Variants in AGO3 observed in about 807,000 individuals in gnomAD.
AGO3 encodes the protein argonaute RISC catalytic component 3, also known as protein argonaute-3.
A neutral mutation model predicts 105.5 loss-of-function variants in AGO3; 16 were observed. That is an observed-to-expected ratio of 0.15 (90% CI 0.10 to 0.23). AGO3 has a LOEUF of 0.23. Among genes scored for constraint, AGO3 ranks in the 10% least tolerant of loss-of-function variants. AGO3 has a pLI of 1.00. For synonymous variants in AGO3, 340 were observed against 367.3 expected, an observed-to-expected ratio of 0.93 and a Z score of 0.85; for missense variants, 534 against 1,088.0, an observed-to-expected ratio of 0.49 and a Z score of 7.16.
chr1:35,943,217 A>G (rs1290668375), intron 1 of AGO3, among the ~76,000 whole-genome samples: 1 of 151,626 alleles, frequency 6.6e-6, no homozygotes, highest in Non-Finnish European at 1.5e-5. Context: ...CATGTTGGCC[A>G]GGCTATTCTC....
intron 1 of AGO3, among the ~76,000 whole-genome samples, chr1:35,937,279 T>C (rs950226660): frequency 6.6e-6 from 1 of 150,748 alleles, no homozygotes; most frequent in Non-Finnish European, 1.5e-5. Context: ...GGCGGGTGCC[T>C]GTAATACCCG....
chr1:36,040,478 A>G (rs1642197849), intron 16 of AGO3, 37 bp downstream of exon 16: 2 of 1,609,244 alleles, frequency 1.2e-6, no homozygotes, highest in Admixed American at 1.7e-5. Context: ...TTATAAACCA[A>G]GCTTATCCAA....
intron 5 of AGO3, among the ~76,000 whole-genome samples, chr1:35,994,843 A>G (rs1160696390): frequency 6.6e-6 from 1 of 152,184 alleles, no homozygotes; most frequent in Admixed American, 6.5e-5. Flanking sequence ...ACTAAGAAAG[A>G]CAAGGAAGGT....
intron 5 of AGO3, among the ~76,000 whole-genome samples, chr1:35,979,059 G>A (rs1002051715): frequency 6.6e-6 from 1 of 152,000 alleles, no homozygotes; most frequent in Non-Finnish European, 1.5e-5. Flanking sequence ...TAGTTTCATT[G>A]TGTTGTTAAA....
chr1:35,958,315 A>AGGTTGC (rs1389942457), intron 2 of AGO3, among the ~76,000 whole-genome samples: 1 of 151,740 alleles, frequency 6.6e-6, no homozygotes, highest in Admixed American at 6.6e-5. Context: ...CAGGAGGTGG[A>AGGTTGC]GGTTGCAGTG....
Position 36,055,300 on chromosome 1 carries a change from T to C in AGO3, c.2474+155T>C. 1 of 724,698 alleles carries C rather than the reference T, an allele frequency of 1.4e-6. No individual in the cohort carries two copies. 44.9% of individuals were successfully genotyped at this position (724,698 alleles called of 1,614,324 possible). ...AGGTTTCCTATTGAAATATATTGTC[T>C]AGGCTCATTAGTAATAGAATCATGT... is the stretch of plus-strand genomic sequence containing the variant. On this transcript the variant is annotated intron_variant, in intron 18 of 18. Coordinates refer to ENST00000373191, the MANE Select transcript of AGO3 (RefSeq NM_024852.4). The surrounding 1 kb of genome is among the most constrained non-coding windows in gnomAD (Gnocchi z 4.4).
intron 5 of AGO3, among the ~76,000 whole-genome samples, chr1:35,986,579 C>G (rs1647191459): frequency 6.6e-6 from 1 of 151,962 alleles, no homozygotes; most frequent in Admixed American, 6.6e-5. Context: ...ATCCCAGCTA[C>G]TTGGGGGTTG....
At chr1:35,951,407 A>C (rs1388794216) in intron 2 of AGO3, among the ~76,000 whole-genome samples, 2 of 151,680 alleles carry the variant, frequency 1.3e-5, no homozygotes, top group Non-Finnish European at 2.9e-5. Context: ...TATTTTATTT[A>C]TTTATTTTGA....
intron 11 of AGO3, among the ~76,000 whole-genome samples, chr1:36,021,811 G>A (rs1641239803): frequency 6.6e-6 from 1 of 151,970 alleles, no homozygotes; most frequent in South Asian, 2.1e-4. Flanking sequence ...ATAGAGAGGA[G>A]ACTCAATTTT....
intron 2 of AGO3, among the ~76,000 whole-genome samples, chr1:35,949,665 G>C (rs1463414936): frequency 6.6e-6 from 1 of 152,098 alleles, no homozygotes; most frequent in African/African-American, 2.4e-5. Flanking sequence ...TGTCTCCCAG[G>C]CTCTGGAATG....
At position 35,976,066 on chromosome 1, in the gene AGO3, AC is replaced by A. The variant is rs1646952486; in HGVS notation, c.658+2556del. 1.1e-4 allele frequency among the ~76,000 whole-genome samples: 16 copies of A among 151,812 alleles called. No homozygotes were observed. The South Asian group carries it at 3.1e-3, about 30-fold the overall frequency. On this transcript the variant is annotated intron_variant, in intron 5 of 18. Coordinates refer to ENST00000373191, the MANE Select transcript of AGO3 (RefSeq NM_024852.4). ...TTCTCATGCCTCAGCCTCCCAAGCAACTGTGATTACAGGCATGCACCACCAC... is the reference window on the plus strand; with the variant it reads ...TTCTCATGCCTCAGCCTCCCAAGCAATGTGATTACAGGCATGCACCACCAC...
At chr1:35,998,153 A>G (rs1297346177) in intron 5 of AGO3, among the ~76,000 whole-genome samples, 1 of 152,130 alleles carries the variant, frequency 6.6e-6, no homozygotes, top group Non-Finnish European at 1.5e-5. Flanking sequence ...TCTTTTCCCT[A>G]GTTATAGTTA....
At chr1:36,040,179 T>C in intron 15 of AGO3, 128 bp from the exon 16 acceptor site, 2 of 1,203,704 alleles carry the variant, frequency 1.7e-6, no homozygotes, top group Non-Finnish European at 2.3e-6. Flanking sequence ...TAATAATCGT[T>C]AAAATGGAAT....
At chr1:36,013,605 A>G (rs1640730926) in intron 9 of AGO3, 25 bp from the exon 10 acceptor site, 1 of 1,611,188 alleles carries the variant, frequency 6.2e-7, no homozygotes, top group Non-Finnish European at 8.5e-7. Flanking sequence ...TTTTGAGAGT[A>G]ACTACAAACT....
At chr1:35,959,008 G>A (rs1249396924) in intron 2 of AGO3, among the ~76,000 whole-genome samples, 2 of 152,102 alleles carry the variant, frequency 1.3e-5, no homozygotes, top group Non-Finnish European at 2.9e-5. Context: ...TTTTCATTCT[G>A]TCTTTTGGGA....
rs1350397842 is a variant in AGO3, at chr1:36,056,176, T to C, written c.*431T>C. 6.4e-6 allele frequency: 1 copy of C among 156,872 alleles called. No homozygotes were observed. Among genetic ancestry groups the C allele is most frequent in the African/African-American group, 2.4e-5 (1 of 41,490 alleles). The allele number at this position is 156,872 out of a possible 1,614,324, so 9.7% of individuals were successfully genotyped here. A position where few individuals can be genotyped will look rare whatever the true frequency, so the allele number is the denominator to read the frequency against. On this transcript the variant is annotated 3_prime_UTR_variant, in exon 19 of 19. Transcript: ENST00000373191. The stretch of plus-strand genomic sequence containing the variant: ...TATGTGTGCAAAAAATTAATGTGCA[T>C]TCATATATTCTTGTAAAAGGTGTCT...
At chr1:35,967,213 A>G in intron 3 of AGO3, 138 bp downstream of exon 3, 1 of 1,221,466 alleles carries the variant, frequency 8.2e-7, no homozygotes, top group South Asian at 1.9e-5. Flanking sequence ...GTTTTGAAAT[A>G]ATTTCAAACT....
At chr1:35,936,929 A>G (rs1646158526) in intron 1 of AGO3, among the ~76,000 whole-genome samples, 1 of 152,140 alleles carries the variant, frequency 6.6e-6, no homozygotes, top group Non-Finnish European at 1.5e-5. Flanking sequence ...TCTCAATTGT[A>G]AGCTTACATA....
At position 36,060,266 on chromosome 1, in the gene AGO3, A is replaced by C. The variant is rs901120822; in HGVS notation, c.*4521A>C. 2 of 152,220 alleles carry C rather than the reference A, an allele frequency of 1.3e-5. No homozygotes were observed. Among genetic ancestry groups the C allele is most frequent in the Non-Finnish European group, 2.9e-5 (2 of 68,044 alleles). The allele number at this position is 152,220 out of a possible 1,614,324, so 9.4% of individuals were successfully genotyped here. On this transcript the variant is annotated 3_prime_UTR_variant, in exon 19 of 19. Coordinates refer to ENST00000373191, the MANE Select transcript of AGO3 (RefSeq NM_024852.4). Reference sequence around the variant, plus strand: ...GTATTCTCTAATGGATTTTAGGAGGATAGGCCTTCTGACAGAGTCATGAAA... The same window carrying C: ...GTATTCTCTAATGGATTTTAGGAGGCTAGGCCTTCTGACAGAGTCATGAAA...
Sources: allele counts gnomAD v4.1 joint callset (sites outside exome capture counted in the v4.1 genomes callset), GRCh38; gene constraint gnomAD v4.1.1; non-coding constraint Gnocchi (gnomAD v3.1); transcripts MANE v1.5; gene names NCBI Gene and HGNC (gene_info 2026-07-23, HGNC 2026-07-21).